PIEZO2: variants seen among roughly 807,000 people sequenced by gnomAD.
The protein encoded by PIEZO2 is piezo type mechanosensitive ion channel component 2, also known as piezo-type mechanosensitive ion channel component 2.
PIEZO2 carries 172 observed loss-of-function variants against 337.3 expected under a neutral mutation model. The ratio of observed to expected loss-of-function variants is 0.51; its 90% CI spans 0.45 to 0.58. PIEZO2 has a LOEUF of 0.58. Ranked by LOEUF, PIEZO2 falls within the 20% of genes least tolerant of loss-of-function variation. The probability of loss-of-function intolerance (pLI) is 0.00; values close to 1 mark genes in which losing one functional copy is unlikely to be tolerated. For missense variants in PIEZO2, 3,028 were observed against 3,391.3 expected (o/e 0.89, Z 2.66); for synonymous variants, 1,251 against 1,228.5 (o/e 1.02, Z -0.38).
intron 15 of PIEZO2, among the ~76,000 whole-genome samples, chr18:10,787,504 C>T (rs1471860046): frequency 2.0e-5 from 3 of 152,116 alleles, no homozygotes; most frequent in African/African-American, 2.4e-5. Flanking sequence ...CCATAGGGGG[C>T]GCTCAAGGAA....
intron 22 of PIEZO2, 58 bp from the exon 23 acceptor site, chr18:10,762,683 G>C: frequency 6.6e-7 from 1 of 1,511,442 alleles, no homozygotes; most frequent in Non-Finnish European, 8.8e-7. Context: ...GGAGAGCTCA[G>C]GTTATTTCTT....
chr18:10,936,603 A>G (rs979649914), intron 3 of PIEZO2, among the ~76,000 whole-genome samples: 3 of 152,140 alleles, frequency 2.0e-5, no homozygotes, highest in Non-Finnish European at 4.4e-5. Context: ...AGGGCCTGGC[A>G]GATAAGTTGT....
In PIEZO2 at chr18:11,092,677, A is replaced by C. The variant is rs926251756; in HGVS notation, c.65-26455T>G. Among the ~76,000 whole-genome samples the C allele has an allele frequency of 5.9e-5, 9 of 152,210 alleles. No individual in the cohort carries two copies. Among genetic ancestry groups the C allele is most frequent in the Non-Finnish European group, 1.3e-4 (9 of 68,034 alleles). On this transcript the variant is annotated intron_variant, in intron 1 of 55. Transcript: ENST00000674853. The surrounding 1 kb of genome is among the most constrained non-coding windows in gnomAD (Gnocchi z 4.5). Reference sequence around the variant, plus strand: ...AACCTGATCCAAACCTTGGATCCTGAAAAATGTGAACAAAAAGAGCTTTGT... The same window carrying C: ...AACCTGATCCAAACCTTGGATCCTGCAAAATGTGAACAAAAAGAGCTTTGT...
chr18:10,832,606 G>T lies in PIEZO2; in HGVS notation c.917+22747C>A, dbSNP rs1220729623. Among the ~76,000 whole-genome samples, 3 of 152,186 alleles carry T rather than the reference G, an allele frequency of 2.0e-5. No homozygotes were observed. In the East Asian group the frequency reaches 5.8e-4, roughly 29 times the overall value. On this transcript the variant is annotated intron_variant, in intron 7 of 55. Coordinates refer to ENST00000674853, the MANE Select transcript of PIEZO2 (RefSeq NM_001378183.1). The stretch of plus-strand genomic sequence containing the variant: ...TACTTTGTCTACTTTAGCAAGAACA[G>T]AGAGTAGATGCTTAATAACAGTACT...
chr18:11,137,815 C>T lies in PIEZO2; in HGVS notation c.64+10710G>A, dbSNP rs1036859869. On this transcript the variant is annotated intron_variant, in intron 1 of 55. Transcript: ENST00000674853. ...CTTTTCTGCACCTGTGGCCAAACTG[C>T]TGCCCTAGAGGGTTTGACCGCAAGA... 3.3e-5 allele frequency among the ~76,000 whole-genome samples: 5 copies of T among 152,298 alleles called. No individual in the cohort carries two copies. The East Asian group carries it at 7.7e-4, about 24-fold the overall frequency.
chr18:10,748,374 G>GT lies in PIEZO2; in HGVS notation c.4424+96dup. On this transcript the variant is annotated intron_variant, in intron 30 of 55. Coordinates refer to ENST00000674853, the MANE Select transcript of PIEZO2 (RefSeq NM_001378183.1). This position sits in a 1 kb window ranked among gnomAD's most constrained non-coding sequence, Gnocchi z 5.1. The stretch of plus-strand genomic sequence containing the variant: ...GCTGGAAGGGATTTCTTAACTTCTT[G>GT]TGGGTTCTAGAAGCAAGCTCAGACA... 1 of 1,230,956 alleles carries GT rather than the reference G, an allele frequency of 8.1e-7. No individual in the cohort carries two copies. Among genetic ancestry groups the GT allele is most frequent in the South Asian group, 1.5e-5 (1 of 68,916 alleles). The allele number at this position is 1,230,956 out of a possible 1,614,324, so 76.3% of individuals were successfully genotyped here.
chr18:10,698,868 A>G (rs1396323737), intron 44 of PIEZO2, 57 bp downstream of exon 44: 1 of 1,526,620 alleles, frequency 6.6e-7, no homozygotes, highest in African/African-American at 1.4e-5. Context: ...CAGGCACCAG[A>G]AAAACAAGGC....
rs971068191 is a variant in PIEZO2, at chr18:10,894,367, T to C, written c.329+16819A>G. On this transcript the variant is annotated intron_variant, in intron 4 of 55. Transcript: ENST00000674853. This position sits in a 1 kb window ranked among gnomAD's most constrained non-coding sequence, Gnocchi z 4.1. ...TACTTGGGAGGCTGAGGCAGGAAAA[T>C]CGCTTGAATTCGGAAGGCGGAGCTG... 4.6e-5 allele frequency: 7 copies of C among 151,680 alleles called. No individual in the cohort carries two copies. Among genetic ancestry groups the C allele is most frequent in the African/African-American group, 1.7e-4 (7 of 41,198 alleles). 9.4% of individuals were successfully genotyped at this position (151,680 alleles called of 1,614,324 possible).
At chr18:10,989,936 T>A (rs1175279860) in intron 2 of PIEZO2, among the ~76,000 whole-genome samples, 1 of 152,114 alleles carries the variant, frequency 6.6e-6, no homozygotes, top group Non-Finnish European at 1.5e-5. Flanking sequence ...GTCATCACAT[T>A]CCTAATTATA....
At chr18:11,043,799 A>G (rs909920724) in intron 2 of PIEZO2, among the ~76,000 whole-genome samples, 1 of 151,800 alleles carries the variant, frequency 6.6e-6, no homozygotes, top group African/African-American at 2.4e-5. Flanking sequence ...CCTCCTGAGT[A>G]GCTGAGACCA....
At chr18:11,100,215 A>C (rs901989680) in intron 1 of PIEZO2, among the ~76,000 whole-genome samples, 1 of 152,218 alleles carries the variant, frequency 6.6e-6, no homozygotes, top group African/African-American at 2.4e-5. Context: ...TTCTACAATG[A>C]TTCAAAGAAT....
intron 3 of PIEZO2, among the ~76,000 whole-genome samples, chr18:10,921,049 G>A (rs144810730): frequency 0.018 from 2,810 of 152,102 alleles, 94 homozygotes; most frequent in African/African-American, 0.064. Flanking sequence ...GCGAAACTCC[G>A]TCTCAAAAAC....
chr18:10,784,715 C>G lies in PIEZO2; in HGVS notation c.2492+69G>C. ...GATTACTGGCTTCTCGCAAGGTGGC[C>G]AACCTAAGGTAGGGTTGAAGAGCTG... On this transcript the variant is annotated intron_variant, in intron 17 of 55. Coordinates refer to ENST00000674853, the MANE Select transcript of PIEZO2 (RefSeq NM_001378183.1). The surrounding 1 kb of genome is among the most constrained non-coding windows in gnomAD (Gnocchi z 4.5). 7.6e-7 allele frequency: 1 copy of G among 1,317,662 alleles called. No homozygotes were observed. The highest frequency in any genetic ancestry group is 9.7e-7 in the Non-Finnish European group (1 of 1,029,160). The allele number at this position is 1,317,662 out of a possible 1,614,324, so 81.6% of individuals were successfully genotyped here.
intron 7 of PIEZO2, among the ~76,000 whole-genome samples, chr18:10,831,147 C>A (rs2040832155): frequency 6.6e-6 from 1 of 152,066 alleles, no homozygotes; most frequent in African/African-American, 2.4e-5. Context: ...AATAGAGCTA[C>A]CATACGATCC....
At chr18:10,791,927 C>T (rs921869294) in intron 13 of PIEZO2, among the ~76,000 whole-genome samples, 4 of 152,104 alleles carry the variant, frequency 2.6e-5, no homozygotes, top group Non-Finnish European at 5.9e-5. Context: ...AATACAGTAC[C>T]TAACACACAG....
intron 2 of PIEZO2, among the ~76,000 whole-genome samples, chr18:11,037,532 T>C (rs780843592): frequency 6.6e-6 from 1 of 152,200 alleles, no homozygotes; most frequent in African/African-American, 2.4e-5. Flanking sequence ...AGATTGTAAG[T>C]CCTAAATTGT....
At chr18:10,763,136 T>C in intron 21 of PIEZO2, 38 bp from the exon 22 acceptor site, 1 of 1,513,792 alleles carries the variant, frequency 6.6e-7, no homozygotes, top group Non-Finnish European at 8.9e-7. Flanking sequence ...CAAAAATACG[T>C]AACACGGCAT....
chr18:10,828,699 T>C lies in PIEZO2; in HGVS notation c.918-21425A>G, dbSNP rs1451889520. ...ATACTGGTCATATGTTCAGAGGAAC[T>C]CTACTGTCTGGAGTCTGAGCATCTG... On this transcript the variant is annotated intron_variant, in intron 7 of 55. Coordinates refer to ENST00000674853, the MANE Select transcript of PIEZO2 (RefSeq NM_001378183.1). The surrounding 1 kb of genome is among the most constrained non-coding windows in gnomAD (Gnocchi z 4.1). Among the ~76,000 whole-genome samples, 1 of 152,180 alleles carries C rather than the reference T, an allele frequency of 6.6e-6. No homozygotes were observed. Among genetic ancestry groups the C allele is most frequent in the African/African-American group, 2.4e-5 (1 of 41,444 alleles).
chr18:11,047,726 CACA>C lies in PIEZO2; in HGVS notation c.160+18398_160+18400del, dbSNP rs2037369336. ...CACACTGGGAGTTAGGGCCTTTCTC[CACA>C]ACAACTAAGAGTATGGCTTTGACAG... On this transcript the variant is annotated intron_variant, in intron 2 of 55. Transcript: ENST00000674853. The surrounding 1 kb of genome is among the most constrained non-coding windows in gnomAD (Gnocchi z 7.2). Among the ~76,000 whole-genome samples the C allele has an allele frequency of 6.6e-6, 1 of 151,880 alleles. No homozygotes were observed. The highest frequency in any genetic ancestry group is 2.4e-5 in the African/African-American group (1 of 41,210).
Sources: gnomAD v4.1 joint callset for allele counts (sites outside exome capture counted in the v4.1 genomes callset) on GRCh38, gnomAD v4.1.1 for gene constraint, Gnocchi (gnomAD v3.1) non-coding constraint, MANE v1.5 for transcripts, NCBI Gene and HGNC (gene_info 2026-07-23, HGNC 2026-07-21) for gene names.